COBL: variants seen among roughly 807,000 people sequenced by gnomAD.
COBL encodes protein cordon-bleu.
A neutral mutation model predicts 98.8 loss-of-function variants in COBL; 51 were observed. The ratio of observed to expected loss-of-function variants is 0.52; its 90% CI spans 0.41 to 0.65. COBL has a LOEUF of 0.65. COBL is among the 30% of genes least tolerant of loss of function. COBL has a pLI of 0.00. For missense variants in COBL, 1,617 were observed against 1,617.5 expected (o/e 1.00, Z 0.01); for synonymous variants, 634 against 651.7 (o/e 0.97, Z 0.41).
intron 5 of COBL, among the ~76,000 whole-genome samples, chr7:51,163,163 T>C (rs1786989504): frequency 6.6e-6 from 1 of 152,212 alleles, no homozygotes; most frequent in South Asian, 2.1e-4. Flanking sequence ...ATGCCTCCGT[T>C]TGATCCCCTC....
intron 7 of COBL, among the ~76,000 whole-genome samples, chr7:51,075,907 GT>G (rs1793028035): frequency 6.6e-6 from 1 of 152,092 alleles, no homozygotes; most frequent in East Asian, 1.9e-4. Context: ...GTTCAGTTCC[GT>G]TTTTTTCTAA....
At chr7:51,032,858 C>A (rs1467378239) in intron 8 of COBL, 1 of 151,888 alleles carries the variant, frequency 6.6e-6, no homozygotes, top group African/African-American at 2.4e-5. Context: ...TGGAAATTGC[C>A]ATATAAAAGA....
intron 1 of COBL, chr7:51,259,990 C>T (rs1797574757): frequency 1.3e-6 from 1 of 756,422 alleles, no homozygotes; most frequent in Non-Finnish European, 2.4e-6. Flanking sequence ...TTTCTGCCAC[C>T]AGGAATCATA....
At chr7:51,023,254 TA>T (rs1335254583) in intron 12 of COBL, among the ~76,000 whole-genome samples, 1 of 152,140 alleles carries the variant, frequency 6.6e-6, no homozygotes, top group Non-Finnish European at 1.5e-5. Flanking sequence ...CATCAACACA[TA>T]AATTCCACAG....
chr7:51,177,555 C>T (rs978104614), intron 5 of COBL, among the ~76,000 whole-genome samples: 3 of 152,064 alleles, frequency 2.0e-5, no homozygotes, highest in Non-Finnish European at 4.4e-5. Flanking sequence ...GGGCAGATCA[C>T]CTGAGGTCAG....
intron 6 of COBL, 31 bp downstream of exon 6, chr7:51,136,127 C>T: frequency 6.3e-7 from 1 of 1,590,608 alleles, no homozygotes; most frequent in South Asian, 1.2e-5. Flanking sequence ...TGAAAAGATG[C>T]TTTGGTTGTG....
At chr7:51,310,264 C>G (rs1008829389) in intron 1 of COBL, among the ~76,000 whole-genome samples, 8 of 152,188 alleles carry the variant, frequency 5.3e-5, no homozygotes, top group African/African-American at 1.9e-4. Context: ...CAGCCCTGGG[C>G]TGAAAAAGTC....
chr7:51,039,337 C>T (rs925506937), intron 8 of COBL, among the ~76,000 whole-genome samples: 1 of 152,258 alleles, frequency 6.6e-6, no homozygotes, highest in Non-Finnish European at 1.5e-5. Flanking sequence ...GGGTTCTGCG[C>T]TCTCACAAGT....
intron 6 of COBL, among the ~76,000 whole-genome samples, chr7:51,086,850 T>A (rs1450089455): frequency 6.6e-6 from 1 of 152,142 alleles, no homozygotes; most frequent in African/African-American, 2.4e-5. Context: ...TATAACCACC[T>A]CCTATACCTC....
intron 4 of COBL, chr7:51,187,822 G>T: frequency 2.0e-6 from 2 of 1,020,976 alleles, no homozygotes; most frequent in Non-Finnish European, 2.5e-6. Flanking sequence ...TTGGAGTCTG[G>T]CACAAAAACA....
chr7:51,187,337 C>CAT (rs1454613687), intron 4 of COBL, among the ~76,000 whole-genome samples: 46 of 144,088 alleles, frequency 3.2e-4, no homozygotes, highest in African/African-American at 1.2e-3. Context: ...TATATACACA[C>CAT]ACACACACAC....
At chr7:51,060,062 T>C (rs1484290147) in intron 7 of COBL, among the ~76,000 whole-genome samples, 1 of 152,140 alleles carries the variant, frequency 6.6e-6, no homozygotes, top group African/African-American at 2.4e-5. Context: ...GTCGATCTGA[T>C]CTCGTCTTCA....
intron 2 of COBL, among the ~76,000 whole-genome samples, chr7:51,215,456 C>A (rs749816950): frequency 1.3e-5 from 2 of 152,010 alleles, no homozygotes; most frequent in African/African-American, 2.4e-5. Context: ...GTTGGGAAGG[C>A]GGGCATTAGA....
At chr7:51,207,512 C>A (rs1015548098) in intron 2 of COBL, among the ~76,000 whole-genome samples, 5 of 152,214 alleles carry the variant, frequency 3.3e-5, no homozygotes, top group African/African-American at 1.2e-4. Context: ...GCCATCTCGG[C>A]TCACTGCAAC....
chr7:51,148,292 T>C lies in COBL; in HGVS notation c.784-11961A>G, dbSNP rs1201515656. On this transcript the variant is annotated intron_variant, in intron 5 of 12. Transcript: ENST00000265136. ...GGAAGGGGACCCATTTCCCCTCATCTTCCCTCGCTTTGTCTTTCTCTCACA... is the reference window on the plus strand; with the variant it reads ...GGAAGGGGACCCATTTCCCCTCATCCTCCCTCGCTTTGTCTTTCTCTCACA... 2.0e-5 allele frequency among the ~76,000 whole-genome samples: 3 copies of C among 152,292 alleles called. No individual in the cohort carries two copies. The East Asian group carries it at 5.8e-4, about 29-fold the overall frequency.
intron 6 of COBL, among the ~76,000 whole-genome samples, chr7:51,102,238 G>A (rs147295195): frequency 1.4e-3 from 214 of 152,216 alleles, no homozygotes; most frequent in Admixed American, 3.2e-3. Flanking sequence ...AATGCCTCCC[G>A]TCTGGCATAT....
chr7:51,223,879 A>G (rs750553634), intron 1 of COBL, among the ~76,000 whole-genome samples: 2 of 152,226 alleles, frequency 1.3e-5, no homozygotes, highest in Non-Finnish European at 2.9e-5. Flanking sequence ...GGCAGCAAGG[A>G]CATTTGTATT....
At position 51,224,696 on chromosome 7, in the gene COBL, T is replaced by G. The variant is rs1404002093; in HGVS notation, c.42-4752A>C. ...TTATTTTATTATTATTTTTTCTTTT[T>G]TTGAGATGGACGGCAATGGCGCAAT... is the stretch of plus-strand genomic sequence containing the variant. On this transcript the variant is annotated intron_variant, in intron 1 of 12. Transcript: ENST00000265136. 2.0e-5 allele frequency among the ~76,000 whole-genome samples: 3 copies of G among 152,246 alleles called. No homozygotes were observed. The East Asian group carries it at 5.8e-4, about 29-fold the overall frequency.
At chr7:51,158,361 G>A (rs1430080070) in intron 5 of COBL, among the ~76,000 whole-genome samples, 1 of 152,216 alleles carries the variant, frequency 6.6e-6, no homozygotes, top group Non-Finnish European at 1.5e-5. Context: ...AAACCTACCG[G>A]ATGGCGGAAG....
Sources: allele counts gnomAD v4.1 joint callset (sites outside exome capture counted in the v4.1 genomes callset), GRCh38; gene constraint gnomAD v4.1.1; transcripts MANE v1.5; gene names NCBI Gene and HGNC (gene_info 2026-07-23, HGNC 2026-07-21).